The following BRI3BP variants were observed in gnomAD, a reference collection of about 807,000 sequenced individuals.
BRI3BP encodes the protein BRI3-binding protein.
A neutral mutation model predicts 15.8 loss-of-function variants in BRI3BP; 7 were observed. The ratio of observed to expected loss-of-function variants is 0.44; its 90% CI spans 0.25 to 0.83. The LOEUF is 0.83. Ranked by LOEUF, BRI3BP falls within the 40% of genes least tolerant of loss-of-function variation. The pLI, the probability that BRI3BP is intolerant of heterozygous loss-of-function variation, is 0.20. For synonymous variants in BRI3BP, 192 were observed against 163.5 expected (o/e 1.17, Z -1.33); for missense variants, 320 against 339.3 (o/e 0.94, Z 0.45).
In BRI3BP at chr12:125,027,039, G is replaced by A. The variant is rs1955361366; in HGVS notation, c.*1609G>A. 6.6e-6 allele frequency: 1 copy of A among 151,712 alleles called. No homozygotes were observed. The highest frequency in any genetic ancestry group is 1.5e-5 in the Non-Finnish European group (1 of 68,004). The allele number at this position is 151,712 out of a possible 1,614,324, so 9.4% of individuals were successfully genotyped here. On this transcript the variant is annotated 3_prime_UTR_variant, in exon 3 of 3. Coordinates refer to ENST00000341446, the MANE Select transcript of BRI3BP (RefSeq NM_080626.6). ...CTGTGGCCCTTACCTGGCCACAGAT[G>A]TACCCTGGCAACCCGCTCACAGTGC...
the BRI3BP span, among the ~76,000 whole-genome samples, chr12:125,039,789 A>G: frequency 1.8e-4 from 27 of 152,296 alleles, no homozygotes; most frequent in African/African-American, 6.5e-4. Context: ...CCAGTTACAT[A>G]AAATACTATT....
downstream of BRI3BP, among the ~76,000 whole-genome samples, chr12:125,033,344 A>T (rs1424277083): frequency 1.3e-5 from 2 of 152,128 alleles, no homozygotes; most frequent in Non-Finnish European, 2.9e-5. Flanking sequence ...GTGGGCCGAG[A>T]TGGCGCCCCT....
rs1019411635 is a variant in BRI3BP, at chr12:125,025,677, G to A, written c.*247G>A. On this transcript the variant is annotated 3_prime_UTR_variant, in exon 3 of 3. Coordinates refer to ENST00000341446, the MANE Select transcript of BRI3BP (RefSeq NM_080626.6). ...GGGGAAAAAATATTTTTTAAACAAA[G>A]GATATAACCATATTTAGTTGTACAG... The A allele has an allele frequency of 1.3e-5, 6 of 464,054 alleles. No individual in the cohort carries two copies. Among genetic ancestry groups the A allele is most frequent in the African/African-American group, 2.0e-5 (1 of 51,268 alleles). 28.7% of individuals were successfully genotyped at this position (464,054 alleles called of 1,614,324 possible). A position where few individuals can be genotyped will look rare whatever the true frequency, so the allele number is the denominator to read the frequency against.
At chr12:124,998,689 T>C (rs1252262046) in intron 1 of BRI3BP, among the ~76,000 whole-genome samples, 2 of 152,212 alleles carry the variant, frequency 1.3e-5, no homozygotes, top group Non-Finnish European at 2.9e-5. Context: ...TAGATAATAA[T>C]GGTTGCATGA....
intron 2 of BRI3BP, among the ~76,000 whole-genome samples, chr12:125,024,547 C>T (rs1955331309): frequency 6.6e-6 from 1 of 152,112 alleles, no homozygotes. Flanking sequence ...TGCCTGTAAT[C>T]CCAGCACTTT....
Position 125,025,456 on chromosome 12 carries a change from A to G in BRI3BP, c.*26A>G, listed in dbSNP as rs1016367860. On this transcript the variant is annotated 3_prime_UTR_variant, in exon 3 of 3. Coordinates refer to ENST00000341446, the MANE Select transcript of BRI3BP (RefSeq NM_080626.6). Reference sequence around the variant, plus strand: ...AGGTCAGCCGGCCGGGCGGGTCCACAGTTACCAGCACGCTGTCTCAGAAAA... The same window carrying G: ...AGGTCAGCCGGCCGGGCGGGTCCACGGTTACCAGCACGCTGTCTCAGAAAA... The G allele has an allele frequency of 2.6e-6, 4 of 1,540,828 alleles. No individual in the cohort carries two copies. Among genetic ancestry groups the G allele is most frequent in the Non-Finnish European group, 3.5e-6 (4 of 1,142,518 alleles).
intron 2 of BRI3BP, among the ~76,000 whole-genome samples, chr12:125,016,686 C>T (rs1421960121): frequency 1.3e-5 from 2 of 151,446 alleles, no homozygotes; most frequent in Admixed American, 6.6e-5. Context: ...CCACCACACC[C>T]GGCTAATTTT....
intron 2 of BRI3BP, among the ~76,000 whole-genome samples, 154 bp downstream of exon 2, chr12:125,012,790 T>C (rs1333914212): frequency 6.6e-6 from 1 of 151,986 alleles, no homozygotes; most frequent in East Asian, 1.9e-4. Flanking sequence ...AATAGTCTCA[T>C]ATATAGGCCA....
chr12:125,008,299 C>CTTTTTTTTTTTTTTTTTTTT (rs55697100), intron 1 of BRI3BP, among the ~76,000 whole-genome samples: 8 of 99,944 alleles, frequency 8.0e-5, no homozygotes, highest in East Asian at 3.1e-4. Flanking sequence ...CCTCTTCTTT[C>CTTTTTTTTTTTTTTTTTTTT]TTTTTTTTTT....
At chr12:125,050,180 G>A in the BRI3BP span, among the ~76,000 whole-genome samples, 2 of 151,948 alleles carry the variant, frequency 1.3e-5, no homozygotes, top group Non-Finnish European at 2.9e-5. Context: ...GCGAAACCCC[G>A]TCTCTACTAA....
intron 2 of BRI3BP, among the ~76,000 whole-genome samples, chr12:125,012,850 G>A (rs1006404352): frequency 6.6e-6 from 1 of 152,110 alleles, no homozygotes; most frequent in African/African-American, 2.4e-5. Flanking sequence ...GACCAAGGTG[G>A]GAGGGTTGCT....
the BRI3BP span, among the ~76,000 whole-genome samples, chr12:125,044,450 A>AT: frequency 0.17 from 24,130 of 138,156 alleles, 2,067 homozygotes; most frequent in Middle Eastern, 0.31. Context: ...TGCCCGGCCA[A>AT]TTTTTTTTTT....
chr12:125,024,525 C>T (rs991208429), intron 2 of BRI3BP, among the ~76,000 whole-genome samples: 2 of 152,132 alleles, frequency 1.3e-5, no homozygotes, highest in African/African-American at 4.8e-5. Context: ...CCTGGCTGGG[C>T]ATGGTGGCTC....
Position 124,993,798 on chromosome 12 carries a change from C to T in BRI3BP, c.8C>T (p.Ala3Val). Residue 3 changes from alanine (A) to valine (V), a missense_variant, in exon 1 of 3, where the codon GCG becomes GTG. Transcript: ENST00000341446. ...GCGCCCCGCCGGCCGAGCATGGGCG[C>T]GCGCGCCTCAGGCGGGCCCCTGGCC... is the stretch of plus-strand genomic sequence containing the variant. MG[A>V]RASGGPLARA... 9.5e-7 allele frequency: 1 copy of T among 1,052,924 alleles called. No individual in the cohort carries two copies. Among genetic ancestry groups the T allele is most frequent in the Non-Finnish European group, 1.1e-6 (1 of 877,964 alleles). The allele number at this position is 1,052,924 out of a possible 1,614,324, so 65.2% of individuals were successfully genotyped here.
At chr12:125,002,461 G>GTTTTTTT (rs773663060) in intron 1 of BRI3BP, among the ~76,000 whole-genome samples, 1 of 124,114 alleles carries the variant, frequency 8.1e-6, no homozygotes. Context: ...TTTTTGTTTT[G>GTTTTTTT]TTTTTTTTTT....
At chr12:125,001,942 GTC>G (rs1471555205) in intron 1 of BRI3BP, among the ~76,000 whole-genome samples, 1 of 152,096 alleles carries the variant, frequency 6.6e-6, no homozygotes, top group Non-Finnish European at 1.5e-5. Flanking sequence ...TCTGCTTTCT[GTC>G]TCTATTTCTG....
At chr12:125,015,704 T>C (rs7306193) in intron 2 of BRI3BP, among the ~76,000 whole-genome samples, 45,116 of 152,112 alleles carry the variant, frequency 0.3, 7,075 homozygotes, top group South Asian at 0.45. Context: ...CATTCAGAAA[T>C]GTCTCCAGCC....
chr12:125,000,399 T>C (rs11057963), intron 1 of BRI3BP, among the ~76,000 whole-genome samples: 8,760 of 149,504 alleles, frequency 0.059, 400 homozygotes, highest in Admixed American at 0.14. Flanking sequence ...CTGCAAGCTC[T>C]GCCTCCCGGG....
At position 125,025,440 on chromosome 12, in the gene BRI3BP, G is replaced by A. The variant is rs757845729; in HGVS notation, c.*10G>A. 5.7e-6 allele frequency: 9 copies of A among 1,572,220 alleles called. No individual in the cohort carries two copies. The East Asian group carries it at 1.1e-4, about 20-fold the overall frequency. On this transcript the variant is annotated 3_prime_UTR_variant, in exon 3 of 3. Transcript: ENST00000341446. ...CTCCAAGGACAAGTGAAGGTCAGCC[G>A]GCCGGGCGGGTCCACAGTTACCAGC...
Sources: gnomAD v4.1 joint callset for allele counts (sites outside exome capture counted in the v4.1 genomes callset) on GRCh38, gnomAD v4.1.1 for gene constraint, MANE v1.5 for transcripts, NCBI Gene and HGNC (gene_info 2026-07-23, HGNC 2026-07-21) for gene names.